Variants in CACNA1B observed in about 807,000 individuals in gnomAD.
The protein encoded by CACNA1B is calcium voltage-gated channel subunit alpha1 B.
Under a neutral mutation model 247.2 loss-of-function variants are expected in CACNA1B, and 70 were observed. The observed-to-expected ratio is 0.28, with a 90% confidence interval of 0.23 to 0.35. CACNA1B has a LOEUF of 0.35. Among genes scored for constraint, CACNA1B ranks in the 10% least tolerant of loss-of-function variants. CACNA1B has a pLI of 1.00. For synonymous variants in CACNA1B, 1,231 were observed against 1,294.4 expected (o/e 0.95, Z 1.05); for missense variants, 2,367 against 3,197.4 (o/e 0.74, Z 6.26).
rs1564286238 is a variant in CACNA1B at position 138,100,247 on chromosome 9, G to C, written c.5223-2464G>C. On this transcript the variant is annotated intron_variant, in intron 37 of 46. Transcript: ENST00000371372. This position sits in a 1 kb window ranked among gnomAD's most constrained non-coding sequence, Gnocchi z 4.6. ...CTGGAGAGGAGAGTGCATTGCAGAG[G>C]GGCTGCAAGGAAGGCTGAGACCGTT... is the stretch of plus-strand genomic sequence containing the variant. Among the ~76,000 whole-genome samples the C allele has an allele frequency of 1.3e-5, 2 of 152,200 alleles. No homozygotes were observed. Among genetic ancestry groups the C allele is most frequent in the Admixed American group, 6.5e-5 (1 of 15,286 alleles).
intron 37 of CACNA1B, 143 bp downstream of exon 37, chr9:138,096,754 G>A: frequency 1.4e-6 from 1 of 697,332 alleles, no homozygotes; most frequent in East Asian, 2.8e-5. Flanking sequence ...CCTGTTTCGT[G>A]TAGAGCAGCA....
At chr9:138,086,080 T>C (rs990445745) in intron 36 of CACNA1B, among the ~76,000 whole-genome samples, 3 of 151,086 alleles carry the variant, frequency 2.0e-5, no homozygotes, top group Non-Finnish European at 4.4e-5. Context: ...AGAAAAGATA[T>C]ACAAAACAAC....
rs901863414 is a variant in CACNA1B at position 137,974,206 on chromosome 9, G to T, written c.1544-1701G>T. 6.6e-6 allele frequency among the ~76,000 whole-genome samples: 1 copy of T among 152,216 alleles called. No individual in the cohort carries two copies. Among genetic ancestry groups the T allele is most frequent in the Non-Finnish European group, 1.5e-5 (1 of 68,042 alleles). Reference sequence around the variant, plus strand: ...CATCTCACACCTGGTGGTCTGCACAGCCAGGCCCAGGTCAGAGCTGTAGGG... The same window carrying T: ...CATCTCACACCTGGTGGTCTGCACATCCAGGCCCAGGTCAGAGCTGTAGGG... On this transcript the variant is annotated intron_variant, in intron 11 of 46. Coordinates refer to ENST00000371372, the MANE Select transcript of CACNA1B (RefSeq NM_000718.4). This position sits in a 1 kb window ranked among gnomAD's most constrained non-coding sequence, Gnocchi z 4.5.
chr9:137,909,725 G>C (rs1957339709), intron 3 of CACNA1B, among the ~76,000 whole-genome samples: 1 of 152,066 alleles, frequency 6.6e-6, no homozygotes, highest in Admixed American at 6.6e-5. Flanking sequence ...TAGCTAGAAG[G>C]GGAATTGCTG....
At chr9:137,993,566 CTTTA>C (rs1390451851) in intron 15 of CACNA1B, among the ~76,000 whole-genome samples, 1 of 152,042 alleles carries the variant, frequency 6.6e-6, no homozygotes, top group African/African-American at 2.4e-5. Context: ...CTATGAACAC[CTTTA>C]TTTATGCACA....
intron 6 of CACNA1B, among the ~76,000 whole-genome samples, chr9:137,949,293 C>CAGTGTGTGTGTATGGTGTG (rs1336742655): frequency 3.0e-4 from 1 of 3,342 alleles, no homozygotes; most frequent in African/African-American, 1.5e-3. Context: ...TTTGCGTGTC[C>CAGTGTGTGTGTATGGTGTG]TTTGTGTCTG....
intron 12 of CACNA1B, among the ~76,000 whole-genome samples, chr9:137,981,353 C>T (rs142386315): frequency 1.2e-3 from 177 of 152,282 alleles, no homozygotes; most frequent in African/African-American, 4.0e-3. Context: ...TTATTTAATG[C>T]AGTTTCCTTG....
chr9:138,013,222 A>T lies in CACNA1B; in HGVS notation c.2254A>T (p.Ile752Phe). ...AEVSPMSAAN[I>F]SIAARQQNSA... ...AGTCAGCCCCATGTCTGCCGCGAAC[A>T]TCTCCATCGCCGCGTAAGGCTCCTA... The change falls in exon 18 of 47, where the codon ATC (isoleucine) becomes TTC (phenylalanine). Residue 752 changes from isoleucine (I) to phenylalanine (F), a missense_variant. By Grantham distance (21) the Ile-to-Phe change is conservative (BLOSUM62 0). Coordinates refer to ENST00000371372, the MANE Select transcript of CACNA1B (RefSeq NM_000718.4). 6.3e-7 allele frequency: 1 copy of T among 1,598,442 alleles called. No homozygotes were observed. The highest frequency in any genetic ancestry group is 8.5e-7 in the Non-Finnish European group (1 of 1,172,804).
rs1251118421 is a variant in CACNA1B at position 138,058,264 on chromosome 9, CTG to C, written c.4308+17_4308+18del. The C allele has an allele frequency of 6.2e-6, 10 of 1,602,040 alleles. No individual in the cohort carries two copies. In the East Asian group the frequency reaches 2.2e-4, roughly 36 times the overall value. ...GAGAAGAACGAGGTAGGTGGACGCT[CTG>C]TGGAGTCTTGCAGTGGACAGCGTGG... On this transcript the variant is annotated intron_variant, in intron 28 of 46. Coordinates refer to ENST00000371372, the MANE Select transcript of CACNA1B (RefSeq NM_000718.4). This position sits in a 1 kb window ranked among gnomAD's most constrained non-coding sequence, Gnocchi z 4.7.
intron 31 of CACNA1B, among the ~76,000 whole-genome samples, chr9:138,060,440 C>T (rs941215794): frequency 1.3e-5 from 2 of 152,156 alleles, no homozygotes; most frequent in African/African-American, 2.4e-5. Context: ...AAGAGAAGGA[C>T]CAGAAATCCT....
At position 138,070,624 on chromosome 9, in the gene CACNA1B, A is replaced by T. The variant is rs564731468; in HGVS notation, c.4674+861A>T. ...AATGTTTGTGATACAGCGATTCACA[A>T]TTGGAGCAGAAGAGCTAGCGTTTTG... On this transcript the variant is annotated intron_variant, in intron 32 of 46. Transcript: ENST00000371372. Among the ~76,000 whole-genome samples the T allele has an allele frequency of 5.9e-5, 9 of 152,374 alleles. No individual in the cohort carries two copies. In the East Asian group the frequency reaches 1.7e-3, roughly 29 times the overall value.
chr9:137,882,662 G>A lies in CACNA1B; in HGVS notation c.391-82G>A. On this transcript the variant is annotated intron_variant, in intron 2 of 46. Transcript: ENST00000371372. The surrounding 1 kb of genome is among the most constrained non-coding windows in gnomAD (Gnocchi z 4.0). ...GATAGCTGTGGCCTGCACATGGTGG[G>A]GTGGGGTCCTCACCAACCGTCTCTG... 6.6e-7 allele frequency: 1 copy of A among 1,521,428 alleles called. No individual in the cohort carries two copies. The highest frequency in any genetic ancestry group is 9.1e-7 in the Non-Finnish European group (1 of 1,103,284). 94.2% of individuals were successfully genotyped at this position (1,521,428 alleles called of 1,614,324 possible). A position where few individuals can be genotyped will look rare whatever the true frequency, so the allele number is the denominator to read the frequency against.
intron 36 of CACNA1B, among the ~76,000 whole-genome samples, chr9:138,089,037 G>C (rs1042379238): frequency 1.4e-5 from 2 of 143,284 alleles, no homozygotes; most frequent in Non-Finnish European, 3.0e-5. Context: ...AGAGAATTCT[G>C]CCAAACATTT....
Position 138,058,941 on chromosome 9 carries a change from G to A in CACNA1B, c.4474-138G>A, listed in dbSNP as rs894625010. The A allele has an allele frequency of 1.5e-5, 11 of 710,374 alleles. No homozygotes were observed. The highest frequency in any genetic ancestry group is 6.8e-5 in the Admixed American group (3 of 44,302). 44.0% of individuals were successfully genotyped at this position (710,374 alleles called of 1,614,324 possible). A position where few individuals can be genotyped will look rare whatever the true frequency, so the allele number is the denominator to read the frequency against. On this transcript the variant is annotated intron_variant, in intron 29 of 46. Coordinates refer to ENST00000371372, the MANE Select transcript of CACNA1B (RefSeq NM_000718.4). This position sits in a 1 kb window ranked among gnomAD's most constrained non-coding sequence, Gnocchi z 4.7. ...CAGTGGGGAGGTTCTGGGAGGACTC[G>A]GGGAGAGCAGGAAGGGGTGTCCCAG...
Position 137,986,841 on chromosome 9 carries a change from T to G in CACNA1B, c.1961T>G (p.Leu654Arg), listed in dbSNP as rs1448703321. The change falls in exon 15 of 47, where the codon CTC (leucine) becomes CGC (arginine). Residue 654 changes from leucine to arginine, a missense_variant. Around this residue, in one of 12 missense-constraint regions of CACNA1B, gnomAD observed 76 missense variants for 191.0 expected, o/e 0.40. Coordinates refer to ENST00000371372, the MANE Select transcript of CACNA1B (RefSeq NM_000718.4). The surrounding 1 kb of genome is among the most constrained non-coding windows in gnomAD (Gnocchi z 6.0). ...TNFDTFPAAI[L>R]TVFQILTGED... is the part of the protein sequence containing the mutation. The stretch of plus-strand genomic sequence containing the variant: ...TTCGACACCTTCCCTGCCGCCATCC[T>G]CACTGTCTTCCAGGTAAGGCACCTG... 1 of 1,613,626 alleles carries G rather than the reference T, an allele frequency of 6.2e-7. No individual in the cohort carries two copies. The highest frequency in any genetic ancestry group is 8.5e-7 in the Non-Finnish European group (1 of 1,179,542).
intron 36 of CACNA1B, among the ~76,000 whole-genome samples, chr9:138,091,328 A>G (rs977619931): frequency 1.3e-5 from 2 of 151,458 alleles, no homozygotes; most frequent in African/African-American, 2.4e-5. Context: ...TGTGGAAGCT[A>G]AAAAAAAATT....
rs921272120 is a variant in CACNA1B, at chr9:138,000,237, T to C, written c.1975-6530T>C. 3.8e-4 allele frequency among the ~76,000 whole-genome samples: 58 copies of C among 151,736 alleles called. 1 individual carries two copies. The highest frequency in any genetic ancestry group is 2.6e-3 in the Admixed American group (40 of 15,278). ...CCTCAGCCTCCCGAGTGGCTGGGACTACAGGCGCCCGCCACTACGCCCGGC... is the reference window on the plus strand; with the variant it reads ...CCTCAGCCTCCCGAGTGGCTGGGACCACAGGCGCCCGCCACTACGCCCGGC... On this transcript the variant is annotated intron_variant, in intron 15 of 46. Transcript: ENST00000371372.
rs1315161008 is a variant in CACNA1B at position 138,073,926 on chromosome 9, C to T, written c.4792-75C>T. The T allele has an allele frequency of 6.4e-6, 8 of 1,240,670 alleles. No homozygotes were observed. The highest frequency in any genetic ancestry group is 1.9e-4 in the Middle Eastern group (1 of 5,238). 76.9% of individuals were successfully genotyped at this position (1,240,670 alleles called of 1,614,324 possible). A position where few individuals can be genotyped will look rare whatever the true frequency, so the allele number is the denominator to read the frequency against. On this transcript the variant is annotated intron_variant, in intron 33 of 46. Coordinates refer to ENST00000371372, the MANE Select transcript of CACNA1B (RefSeq NM_000718.4). This position sits in a 1 kb window ranked among gnomAD's most constrained non-coding sequence, Gnocchi z 6.4. ...GCTGAGGTCTGTGTGACCTCAAAGG[C>T]CCAGCCACCGTAGCAGGAGGCCTGG...
At chr9:137,902,188 T>C (rs1322971840) in intron 3 of CACNA1B, among the ~76,000 whole-genome samples, 2 of 152,238 alleles carry the variant, frequency 1.3e-5, no homozygotes, top group African/African-American at 2.4e-5. Context: ...TGGGGTTCTT[T>C]GCCATTTCAT....
Sources: allele counts gnomAD v4.1 joint callset (sites outside exome capture counted in the v4.1 genomes callset), GRCh38; gene constraint gnomAD v4.1.1; regional missense constraint gnomAD v4.1.1; non-coding constraint Gnocchi (gnomAD v3.1); transcripts MANE v1.5; gene names NCBI Gene and HGNC (gene_info 2026-07-23, HGNC 2026-07-21).